The following RARB variants were observed in gnomAD, a reference collection of about 807,000 sequenced individuals.
The protein encoded by RARB is HBV-activated protein.
Under a neutral mutation model 51.9 loss-of-function variants are expected in RARB, and 17 were observed. The observed-to-expected ratio is 0.33, with a 90% CI of 0.22 to 0.49. The LOEUF is 0.49. RARB is among the 20% of genes least tolerant of loss of function. The pLI, the probability that RARB is intolerant of heterozygous loss-of-function variation, is 0.99. For synonymous variants in RARB, 215 were observed against 195.4 expected (o/e 1.10, Z -0.84); for missense variants, 369 against 550.8 (o/e 0.67, Z 3.30).
chr3:25,159,709 G>T (rs908375717), intron 4 of RARB, among the ~76,000 whole-genome samples: 1 of 152,116 alleles, frequency 6.6e-6, no homozygotes, highest in Non-Finnish European at 1.5e-5. Flanking sequence ...AAAAAGGGGG[G>T]CAGGTCTCAG....
chr3:25,034,657 C>G (rs1697946458), intron 2 of RARB, among the ~76,000 whole-genome samples: 1 of 152,198 alleles, frequency 6.6e-6, no homozygotes, highest in African/African-American at 2.4e-5. Context: ...ATACAAAAAG[C>G]TCTTCCCTCC....
At chr3:25,023,876 G>A (rs1270801371) in intron 2 of RARB, among the ~76,000 whole-genome samples, 1 of 152,204 alleles carries the variant, frequency 6.6e-6, no homozygotes, top group African/African-American at 2.4e-5. Context: ...CTAGATGTGG[G>A]TGTTTGGGGA....
intron 2 of RARB, among the ~76,000 whole-genome samples, chr3:25,034,986 A>G (rs995561242): frequency 4.6e-5 from 7 of 152,228 alleles, no homozygotes; most frequent in Non-Finnish European, 1.0e-4. Flanking sequence ...AAGGCTGCAC[A>G]TGCCTTGCCA....
intron 3 of RARB, among the ~76,000 whole-genome samples, chr3:25,525,087 T>C (rs1025150421): frequency 6.6e-6 from 1 of 152,216 alleles, no homozygotes; most frequent in Admixed American, 6.5e-5. Flanking sequence ...TCAGAAATTA[T>C]ACTTTATGTG....
intron 5 of RARB, among the ~76,000 whole-genome samples, chr3:25,322,697 T>A (rs1484409403): frequency 6.6e-6 from 1 of 152,198 alleles, no homozygotes; most frequent in Non-Finnish European, 1.5e-5. Flanking sequence ...GTGTTTAACT[T>A]GTAATGGCCC....
intron 5 of RARB, among the ~76,000 whole-genome samples, chr3:25,349,290 A>G (rs1705488062): frequency 6.6e-6 from 1 of 152,212 alleles, no homozygotes; most frequent in Admixed American, 6.5e-5. Context: ...AAAACTAGGC[A>G]GATTTGTCCG....
At chr3:25,324,362 C>T (rs1298662939) in intron 5 of RARB, 2 of 162,234 alleles carry the variant, frequency 1.2e-5, no homozygotes, top group Non-Finnish European at 2.8e-5. Flanking sequence ...TGTCAGTGGC[C>T]TCTCCACCAC....
At chr3:25,077,779 G>C (rs1033852928) in intron 3 of RARB, among the ~76,000 whole-genome samples, 2 of 152,060 alleles carry the variant, frequency 1.3e-5, no homozygotes, top group Admixed American at 6.5e-5. Context: ...TTTTTACGGA[G>C]TGGTTTTACC....
intron 5 of RARB, among the ~76,000 whole-genome samples, chr3:25,210,528 TC>T (rs1208641237): frequency 1.6e-5 from 2 of 126,856 alleles, no homozygotes; most frequent in Non-Finnish European, 3.3e-5. Flanking sequence ...TTTATCTGAT[TC>T]TTTTTTTTTT....
chr3:24,986,048 T>A (rs1461276690), intron 2 of RARB, among the ~76,000 whole-genome samples: 4 of 152,224 alleles, frequency 2.6e-5, no homozygotes, highest in Non-Finnish European at 5.9e-5. Flanking sequence ...TTGAATATAA[T>A]TCTAAGAACC....
intron 1 of RARB, among the ~76,000 whole-genome samples, chr3:24,845,181 A>G (rs1285531925): frequency 6.6e-6 from 1 of 152,200 alleles, no homozygotes; most frequent in Non-Finnish European, 1.5e-5. Context: ...TAGGAGTGAC[A>G]TATTTAAAAT....
chr3:24,964,628 T>C (rs1696214057), intron 2 of RARB, among the ~76,000 whole-genome samples: 1 of 152,222 alleles, frequency 6.6e-6, no homozygotes, highest in South Asian at 2.1e-4. Context: ...TTGATGCTTA[T>C]GCATGCCCTG....
At chr3:24,871,604 A>C (rs536758899) in intron 2 of RARB, among the ~76,000 whole-genome samples, 2 of 152,262 alleles carry the variant, frequency 1.3e-5, no homozygotes, top group South Asian at 4.1e-4. Flanking sequence ...AACATCTTCT[A>C]AGTTTGTCTT....
At chr3:25,403,868 G>A (rs1707332060) in intron 5 of RARB, among the ~76,000 whole-genome samples, 1 of 93,714 alleles carries the variant, frequency 1.1e-5, no homozygotes, top group Admixed American at 1.3e-4. Flanking sequence ...AGTGTCACAA[G>A]CTGTGAATTT....
chr3:25,301,224 C>T (rs1184328157), intron 5 of RARB, among the ~76,000 whole-genome samples: 1 of 152,140 alleles, frequency 6.6e-6, no homozygotes, highest in Non-Finnish European at 1.5e-5. Flanking sequence ...GACATAACCT[C>T]ATTATAAGTG....
chr3:25,005,534 A>G (rs1697250858), intron 2 of RARB, among the ~76,000 whole-genome samples: 1 of 152,134 alleles, frequency 6.6e-6, no homozygotes, highest in Non-Finnish European at 1.5e-5. Context: ...AAGTGCCCTC[A>G]CAATGTGGTA....
At chr3:25,175,795 C>T (rs1329470166) in intron 5 of RARB, among the ~76,000 whole-genome samples, 4 of 152,126 alleles carry the variant, frequency 2.6e-5, no homozygotes, top group Non-Finnish European at 5.9e-5. Context: ...GAACATTTGA[C>T]CCTCATGTCT....
intron 5 of RARB, among the ~76,000 whole-genome samples, chr3:25,403,100 T>C (rs1707309064): frequency 6.7e-6 from 1 of 150,096 alleles, no homozygotes. Flanking sequence ...GAGGCAGAGG[T>C]TGCAGTGAGC....
At position 25,069,949 on chromosome 3, in the gene RARB, T is replaced by C. The variant is rs546240907; in HGVS notation, c.-328+9773T>C. Among the ~76,000 whole-genome samples the C allele has an allele frequency of 3.9e-5, 6 of 152,314 alleles. No homozygotes were observed. The South Asian group carries it at 1.2e-3, about 32-fold the overall frequency. On this transcript the variant is annotated intron_variant, in intron 3 of 11. Coordinates refer to the RARB transcript ENST00000383772. Reference sequence around the variant, plus strand: ...GCTGTCATGACGAAGTGCCACAAGCTGGGTGGCTTAAAACAACAGAAATTT... The same window carrying C: ...GCTGTCATGACGAAGTGCCACAAGCCGGGTGGCTTAAAACAACAGAAATTT...
Sources: gnomAD v4.1 joint callset for allele counts (sites outside exome capture counted in the v4.1 genomes callset) on GRCh38, gnomAD v4.1.1 for gene constraint, MANE v1.5 for transcripts, NCBI Gene and HGNC (gene_info 2026-07-23, HGNC 2026-07-21) for gene names.